The following VASH2 variants were observed in gnomAD, a reference collection of about 807,000 sequenced individuals.
The protein encoded by VASH2 is tubulinyl-Tyr carboxypeptidase 2.
In VASH2, 28 loss-of-function variants were observed where a neutral mutation model predicts 37.2. The ratio of observed to expected loss-of-function variants is 0.75; its 90% CI spans 0.56 to 1.03. The LOEUF (loss-of-function observed/expected upper bound fraction) is 1.03, where lower values mean the gene tolerates loss of function less well. VASH2 is among the 50% of genes least tolerant of loss of function. The pLI is 0.00. For missense variants in VASH2, 419 were observed against 459.1 expected, an observed-to-expected ratio of 0.91 and a Z score of 0.80; for synonymous variants, 188 against 174.7, an observed-to-expected ratio of 1.08 and a Z score of -0.60.
chr1:212,962,784 C>T (rs1370628003), intron 3 of VASH2, among the ~76,000 whole-genome samples: 1 of 152,172 alleles, frequency 6.6e-6, no homozygotes, highest in Non-Finnish European at 1.5e-5. Context: ...GCTGGCAGCC[C>T]TAGCCCTTGG....
rs899999048 is a variant in VASH2 at position 212,971,872 on chromosome 1, C to A, written c.498-708C>A. On this transcript the variant is annotated intron_variant, in intron 5 of 7. Transcript: ENST00000517399. This position sits in a 1 kb window ranked among gnomAD's most constrained non-coding sequence, Gnocchi z 4.0. ...TTCTTTCTGTAAGCATTAAACAAGCCCATCTGTGTACCAGGCCAGTGCTGT... is the reference window on the plus strand; with the variant it reads ...TTCTTTCTGTAAGCATTAAACAAGCACATCTGTGTACCAGGCCAGTGCTGT... Among the ~76,000 whole-genome samples, 2 of 152,020 alleles carry A rather than the reference C, an allele frequency of 1.3e-5. No individual in the cohort carries two copies. Among genetic ancestry groups the A allele is most frequent in the Middle Eastern group, 3.2e-3 (1 of 316 alleles).
intron 3 of VASH2, among the ~76,000 whole-genome samples, chr1:212,962,006 G>A (rs572927653): frequency 1.8e-4 from 28 of 152,280 alleles, no homozygotes; most frequent in African/African-American, 6.5e-4. Context: ...CCCACCTGGT[G>A]CTGCCTTTGT....
chr1:212,963,161 G>A (rs940074294), intron 3 of VASH2, among the ~76,000 whole-genome samples: 2 of 152,196 alleles, frequency 1.3e-5, no homozygotes, highest in African/African-American at 4.8e-5. Flanking sequence ...AAACCTGACA[G>A]CATATTCTCT....
chr1:212,954,177 T>C (rs1666412972), intron 2 of VASH2, among the ~76,000 whole-genome samples: 1 of 152,196 alleles, frequency 6.6e-6, no homozygotes, highest in Non-Finnish European at 1.5e-5. Flanking sequence ...CTTCCCAAAG[T>C]GGTGGGATTA....
chr1:212,979,844 A>G (rs1274820028), intron 7 of VASH2, among the ~76,000 whole-genome samples: 1 of 152,116 alleles, frequency 6.6e-6, no homozygotes, highest in Non-Finnish European at 1.5e-5. Flanking sequence ...GTTCGTAAAG[A>G]GAAAGGGAGA....
At chr1:212,980,555 A>C (rs1432980371) in intron 7 of VASH2, among the ~76,000 whole-genome samples, 1 of 152,146 alleles carries the variant, frequency 6.6e-6, no homozygotes, top group Non-Finnish European at 1.5e-5. Flanking sequence ...TAAGCCCTGA[A>C]AGCCCATCTC....
intron 6 of VASH2, 87 bp from the exon 7 acceptor site, chr1:212,973,868 T>G (rs931794842): frequency 4.0e-6 from 6 of 1,515,888 alleles, no homozygotes; most frequent in South Asian, 1.3e-5. Context: ...ATGATTGGGC[T>G]GGGGGGTGGA....
chr1:212,967,651 G>C (rs916962269), intron 5 of VASH2: 2 of 192,454 alleles, frequency 1.0e-5, no homozygotes, highest in African/African-American at 2.3e-5. Context: ...ATTGGGAAAG[G>C]CTGGGCTGGA....
chr1:212,971,667 T>TGCTTTCTTTCTAGAGAGTGGAG lies in VASH2; in HGVS notation c.498-910_498-889dup, dbSNP rs1667013883. Among the ~76,000 whole-genome samples, 1 of 152,122 alleles carries TGCTTTCTTTCTAGAGAGTGGAG rather than the reference T, an allele frequency of 6.6e-6. No individual in the cohort carries two copies. Among genetic ancestry groups the TGCTTTCTTTCTAGAGAGTGGAG allele is most frequent in the South Asian group, 2.1e-4 (1 of 4,808 alleles). On this transcript the variant is annotated intron_variant, in intron 5 of 7. Transcript: ENST00000517399. The surrounding 1 kb of genome is among the most constrained non-coding windows in gnomAD (Gnocchi z 4.0). ...AGTGAAGAGAAAGCAAGTACAAAAC[T>TGCTTTCTTTCTAGAGAGTGGAG]GCTTTCTTTCTAGAGAGTGGAGGCA...
intron 5 of VASH2, among the ~76,000 whole-genome samples, chr1:212,972,358 C>T (rs1667035936): frequency 6.6e-6 from 1 of 152,114 alleles, no homozygotes; most frequent in Admixed American, 6.5e-5. Context: ...AAGTTTTTCT[C>T]TTTGTCTCAT....
At chr1:212,982,180 C>A (rs1667357952) in intron 7 of VASH2, among the ~76,000 whole-genome samples, 1 of 152,216 alleles carries the variant, frequency 6.6e-6, no homozygotes, top group Non-Finnish European at 1.5e-5. Context: ...GGCCATCAAG[C>A]TTTCACCCTA....
rs1045484619 is a variant in VASH2 at position 212,989,203 on chromosome 1, A to G, written c.*619A>G. On this transcript the variant is annotated 3_prime_UTR_variant, in exon 8 of 8. Coordinates refer to ENST00000517399, the MANE Select transcript of VASH2 (RefSeq NM_001301056.2). ...TACTATATGCAAGTGTTTTACTAAA[A>G]AGCACTGAAATTCTTCTGGCAATAC... 6.5e-6 allele frequency: 1 copy of G among 152,674 alleles called. No individual in the cohort carries two copies. The allele number at this position is 152,674 out of a possible 1,614,324, so 9.5% of individuals were successfully genotyped here. A position where few individuals can be genotyped will look rare whatever the true frequency, so the allele number is the denominator to read the frequency against.
rs922948611 is a variant in VASH2 at position 212,972,858 on chromosome 1, T to C, written c.776T>C (p.Phe259Ser). The change falls in exon 6 of 8, where the codon TTC (phenylalanine) becomes TCC (serine). Residue 259 changes from phenylalanine (F) to serine (S), a missense_variant. Coordinates refer to ENST00000517399, the MANE Select transcript of VASH2 (RefSeq NM_001301056.2). ...GLYVPHEPHS[F>S]QPIEWKQLVL... ...TACGTCCCCCATGAGCCTCATAGCT[T>C]CCAGCCCATTGAGTGGAAGCAGCTG... 1 of 1,614,152 alleles carries C rather than the reference T, an allele frequency of 6.2e-7. No individual in the cohort carries two copies. The highest frequency in any genetic ancestry group is 8.5e-7 in the Non-Finnish European group (1 of 1,180,038).
chr1:212,958,462 A>G (rs923336220), intron 2 of VASH2, among the ~76,000 whole-genome samples: 1 of 152,044 alleles, frequency 6.6e-6, no homozygotes, highest in African/African-American at 2.4e-5. Context: ...TATTTTGGGG[A>G]CCACCTGCCG....
rs576606372 is a variant in VASH2, at chr1:212,954,525, A to G, written c.276+2707A>G. 1.2e-4 allele frequency among the ~76,000 whole-genome samples: 18 copies of G among 152,152 alleles called. No homozygotes were observed. The South Asian group carries it at 3.7e-3, about 32-fold the overall frequency. On this transcript the variant is annotated intron_variant, in intron 2 of 7. Coordinates refer to ENST00000517399, the MANE Select transcript of VASH2 (RefSeq NM_001301056.2). The stretch of plus-strand genomic sequence containing the variant: ...AACCTCCACCTCCCGGGTTCAAGCA[A>G]TTCTCCTGCCTCAGCCTCCTGAGTA...
chr1:212,973,772 C>T, intron 6 of VASH2, 183 bp from the exon 7 acceptor site: 1 of 1,382,518 alleles, frequency 7.2e-7, no homozygotes, highest in Non-Finnish European at 9.4e-7. Flanking sequence ...TGCTGCTTGA[C>T]AGTACAGGAC....
chr1:212,980,371 G>A (rs184555240), intron 7 of VASH2, among the ~76,000 whole-genome samples: 1 of 152,312 alleles, frequency 6.6e-6, no homozygotes, highest in East Asian at 1.9e-4. Context: ...TCTCCCCTGT[G>A]TGGCTGCTTT....
chr1:212,978,967 C>T (rs756155119), intron 7 of VASH2, among the ~76,000 whole-genome samples: 20 of 152,178 alleles, frequency 1.3e-4, no homozygotes, highest in Non-Finnish European at 2.9e-5. Flanking sequence ...TCCCTAATTC[C>T]TCCGAAACCT....
chr1:212,962,806 C>T (rs3104213), intron 3 of VASH2, among the ~76,000 whole-genome samples: 5 of 152,108 alleles, frequency 3.3e-5, no homozygotes, highest in South Asian at 4.1e-4. Flanking sequence ...AGGCTGTCTG[C>T]TGTTTGTGCT....
Sources: gnomAD v4.1 joint callset for allele counts (sites outside exome capture counted in the v4.1 genomes callset) on GRCh38, gnomAD v4.1.1 for gene constraint, Gnocchi (gnomAD v3.1) non-coding constraint, MANE v1.5 for transcripts, NCBI Gene and HGNC (gene_info 2026-07-23, HGNC 2026-07-21) for gene names.